SLCO5A1: variants seen among roughly 807,000 people sequenced by gnomAD.
The protein encoded by SLCO5A1 is solute carrier organic anion transporter family member 5A1.
SLCO5A1 carries 39 observed loss-of-function variants against 65.1 expected under a neutral mutation model. That is an observed-to-expected ratio of 0.60 (90% CI 0.46 to 0.78). The LOEUF (loss-of-function observed/expected upper bound fraction) is 0.78, where lower values mean the gene tolerates loss of function less well. SLCO5A1 is among the 30% of genes least tolerant of loss of function. SLCO5A1 has a pLI of 0.00. For missense variants in SLCO5A1, 1,029 were observed against 1,069.4 expected (o/e 0.96, Z 0.53); for synonymous variants, 438 against 415.7 (o/e 1.05, Z -0.65).
At chr8:69,804,791 G>C (rs986403307) in intron 2 of SLCO5A1, among the ~76,000 whole-genome samples, 1 of 152,164 alleles carries the variant, frequency 6.6e-6, no homozygotes, top group African/African-American at 2.4e-5. Context: ...GTGAACATGG[G>C]AATTGTGCTG....
intron 5 of SLCO5A1, among the ~76,000 whole-genome samples, chr8:69,721,915 T>C (rs928427961): frequency 3.3e-5 from 5 of 152,208 alleles, no homozygotes; most frequent in African/African-American, 1.2e-4. Flanking sequence ...CTTATGCCTG[T>C]AATCCCAGAA....
chr8:69,787,337 C>T lies in SLCO5A1; in HGVS notation c.908-25462G>A, dbSNP rs117982348. On this transcript the variant is annotated intron_variant, in intron 2 of 9. Transcript: ENST00000260126. Reference sequence around the variant, plus strand: ...ATGATCGTTGCAATTGAGTAGTGTCCGGCCACTGACCCGAAAGAAGCTGTT... The same window carrying T: ...ATGATCGTTGCAATTGAGTAGTGTCTGGCCACTGACCCGAAAGAAGCTGTT... Among the ~76,000 whole-genome samples the T allele has an allele frequency of 2.6e-4, 39 of 152,214 alleles. No individual in the cohort carries two copies. In the East Asian group the frequency reaches 7.1e-3, roughly 28 times the overall value.
intron 2 of SLCO5A1, among the ~76,000 whole-genome samples, chr8:69,821,525 T>A (rs760236796): frequency 7.9e-5 from 12 of 151,370 alleles, no homozygotes; most frequent in Non-Finnish European, 1.6e-4. Context: ...TAGGCCAGAA[T>A]AGACCAGGCG....
intron 2 of SLCO5A1, among the ~76,000 whole-genome samples, chr8:69,815,654 A>G (rs1820372810): frequency 8.5e-6 from 1 of 117,252 alleles, no homozygotes; most frequent in African/African-American, 3.8e-5. Flanking sequence ...ATCAACACAC[A>G]CACACACACA....
At chr8:69,755,117 AT>A (rs1168298037) in intron 4 of SLCO5A1, among the ~76,000 whole-genome samples, 6 of 152,134 alleles carry the variant, frequency 3.9e-5, no homozygotes, top group African/African-American at 1.4e-4. Flanking sequence ...AGGAAAAACC[AT>A]TTTTTTAAAT....
chr8:69,724,477 C>T (rs561306602), intron 5 of SLCO5A1, among the ~76,000 whole-genome samples: 2 of 152,272 alleles, frequency 1.3e-5, no homozygotes, highest in African/African-American at 4.8e-5. Context: ...AAAAAATTAA[C>T]TATTAGCCTG....
intron 2 of SLCO5A1, among the ~76,000 whole-genome samples, chr8:69,801,267 T>C (rs1244761436): frequency 6.6e-6 from 1 of 152,218 alleles, no homozygotes; most frequent in Non-Finnish European, 1.5e-5. Context: ...CTTAAATTAG[T>C]AGAGCTGTAA....
chr8:69,730,515 T>C (rs1816285783), intron 5 of SLCO5A1, among the ~76,000 whole-genome samples: 1 of 152,156 alleles, frequency 6.6e-6, no homozygotes, highest in Admixed American at 6.5e-5. Flanking sequence ...CTGTCCACCT[T>C]ATGTACTGCG....
At chr8:69,698,810 T>C (rs1295193115) in intron 6 of SLCO5A1, among the ~76,000 whole-genome samples, 1 of 152,228 alleles carries the variant, frequency 6.6e-6, no homozygotes, top group Non-Finnish European at 1.5e-5. Flanking sequence ...TTTCTTCCCA[T>C]GTTCCCTTTC....
Position 69,745,075 on chromosome 8 carries a change from C to T in SLCO5A1, c.1259-6871G>A, listed in dbSNP as rs563380278. 2.0e-5 allele frequency among the ~76,000 whole-genome samples: 3 copies of T among 152,236 alleles called. No individual in the cohort carries two copies. In the South Asian group the frequency reaches 6.2e-4, roughly 32 times the overall value. On this transcript the variant is annotated intron_variant, in intron 4 of 9. Coordinates refer to ENST00000260126, the MANE Select transcript of SLCO5A1 (RefSeq NM_030958.3). Reference sequence around the variant, plus strand: ...AATTTTTCAGATTTCTGAGTGATTGCCTCTTTAAGCAACAAAGCTTTAAAT... The same window carrying T: ...AATTTTTCAGATTTCTGAGTGATTGTCTCTTTAAGCAACAAAGCTTTAAAT...
intron 6 of SLCO5A1, among the ~76,000 whole-genome samples, chr8:69,692,797 G>T (rs1814330258): frequency 6.6e-6 from 1 of 152,176 alleles, no homozygotes; most frequent in African/African-American, 2.4e-5. Context: ...CATCTCCTAA[G>T]ATAACAATGC....
Position 69,790,185 on chromosome 8 carries a change from C to T in SLCO5A1, c.908-28310G>A, listed in dbSNP as rs547573229. Reference sequence around the variant, plus strand: ...CCAGCCTGGGCAACAGAGCGAGACTCCTTCTCAAAAAAAAAAAAAAAAAAA... The same window carrying T: ...CCAGCCTGGGCAACAGAGCGAGACTTCTTCTCAAAAAAAAAAAAAAAAAAA... On this transcript the variant is annotated intron_variant, in intron 2 of 9. Coordinates refer to ENST00000260126, the MANE Select transcript of SLCO5A1 (RefSeq NM_030958.3). 1.1e-4 allele frequency among the ~76,000 whole-genome samples: 16 copies of T among 142,130 alleles called. No individual in the cohort carries two copies. In the East Asian group the frequency reaches 3.0e-3, roughly 27 times the overall value. The allele number at this position is 142,130 out of a possible 152,430, so 93.2% of individuals were successfully genotyped here.
intron 4 of SLCO5A1, among the ~76,000 whole-genome samples, chr8:69,748,298 A>C (rs1817130446): frequency 6.6e-6 from 1 of 152,194 alleles, no homozygotes; most frequent in Non-Finnish European, 1.5e-5. Flanking sequence ...AGCACTCATG[A>C]GTATGTTCAC....
At chr8:69,819,020 A>AT (rs1269157929) in intron 2 of SLCO5A1, among the ~76,000 whole-genome samples, 1 of 152,012 alleles carries the variant, frequency 6.6e-6, no homozygotes, top group Non-Finnish European at 1.5e-5. Flanking sequence ...TCCAAAAAGG[A>AT]TTTTTTGTGG....
At chr8:69,751,030 T>G (rs536438079) in intron 4 of SLCO5A1, among the ~76,000 whole-genome samples, 6 of 152,338 alleles carry the variant, frequency 3.9e-5, no homozygotes, top group Non-Finnish European at 8.8e-5. Flanking sequence ...TAGTTAGGAT[T>G]TTAAATATAT....
chr8:69,772,628 G>GGAAAGGAAAGGAAAGGAAAT (rs1818377439), intron 2 of SLCO5A1, among the ~76,000 whole-genome samples: 1 of 150,118 alleles, frequency 6.7e-6, no homozygotes, highest in Non-Finnish European at 1.5e-5. Context: ...GGAAAGGAAA[G>GGAAAGGAAAGGAAAGGAAAT]GAAAGGAAAG....
At chr8:69,707,230 A>C (rs538128953) in intron 5 of SLCO5A1, among the ~76,000 whole-genome samples, 30 of 152,290 alleles carry the variant, frequency 2.0e-4, no homozygotes, top group Non-Finnish European at 2.5e-4. Context: ...CAAACAACTT[A>C]ATAGAAATTA....
rs190325730 is a variant in SLCO5A1 at position 69,672,693 on chromosome 8, T to C, written c.*176A>G. ...GAGAGAAGCGGGGAAAGGCTCTCAG[T>C]CTTGTTGAGGTATCCAGCCCTCAAT... is the stretch of plus-strand genomic sequence containing the variant. On this transcript the variant is annotated 3_prime_UTR_variant, in exon 10 of 10. Coordinates refer to ENST00000260126, the MANE Select transcript of SLCO5A1 (RefSeq NM_030958.3). 2.3e-5 allele frequency: 15 copies of C among 651,872 alleles called. No homozygotes were observed. The East Asian group carries it at 4.1e-4, about 18-fold the overall frequency. The allele number at this position is 651,872 out of a possible 1,614,324, so 40.4% of individuals were successfully genotyped here.
At chr8:69,770,349 C>T (rs1168135325) in intron 2 of SLCO5A1, among the ~76,000 whole-genome samples, 1 of 152,152 alleles carries the variant, frequency 6.6e-6, no homozygotes, top group Non-Finnish European at 1.5e-5. Context: ...AATCCCAATA[C>T]TTTGGGAAGC....
Sources: allele counts gnomAD v4.1 joint callset (sites outside exome capture counted in the v4.1 genomes callset), GRCh38; gene constraint gnomAD v4.1.1; transcripts MANE v1.5; gene names NCBI Gene and HGNC (gene_info 2026-07-23, HGNC 2026-07-21).